The following TTLL11 variants were observed in gnomAD, a reference collection of about 807,000 sequenced individuals.
TTLL11 encodes tubulin polyglutamylase TTLL11.
A neutral mutation model predicts 51.7 loss-of-function variants in TTLL11; 42 were observed. That is an observed-to-expected ratio of 0.81 (90% CI 0.64 to 1.05). The LOEUF (loss-of-function observed/expected upper bound fraction) is 1.05, where lower values mean the gene tolerates loss of function less well. TTLL11 is among the 50% of genes least tolerant of loss of function. The pLI is 0.00. For missense variants in TTLL11, 799 were observed against 940.4 expected (o/e 0.85, Z 1.97); for synonymous variants, 381 against 383.5 (o/e 0.99, Z 0.08).
At chr9:121,985,553 G>A (rs1842921993) in intron 4 of TTLL11, among the ~76,000 whole-genome samples, 1 of 119,930 alleles carries the variant, frequency 8.3e-6, no homozygotes, top group African/African-American at 3.3e-5. Flanking sequence ...GTCTCGCTCT[G>A]TCACCCAGGC....
chr9:121,856,124 T>A (rs1588073042), intron 8 of TTLL11, among the ~76,000 whole-genome samples: 1 of 152,182 alleles, frequency 6.6e-6, no homozygotes, highest in Non-Finnish European at 1.5e-5. Context: ...CAGGCTGGAG[T>A]GCAGTGGCAC....
intron 8 of TTLL11, among the ~76,000 whole-genome samples, chr9:121,827,281 G>A (rs1429316160): frequency 6.6e-6 from 1 of 152,174 alleles, no homozygotes; most frequent in Non-Finnish European, 1.5e-5. Flanking sequence ...TTACAGGCCT[G>A]CCACACAGCC....
intron 6 of TTLL11, among the ~76,000 whole-genome samples, chr9:121,900,461 G>T (rs149746233): frequency 6.6e-6 from 1 of 152,130 alleles, no homozygotes; most frequent in Non-Finnish European, 1.5e-5. Context: ...ATATCTACCC[G>T]TGGATTTCTT....
intron 1 of TTLL11, among the ~76,000 whole-genome samples, chr9:122,084,174 T>C (rs1442463420): frequency 1.3e-5 from 2 of 152,100 alleles, no homozygotes; most frequent in Admixed American, 6.5e-5. Context: ...GAGGAACTTA[T>C]TTGAAAAGCA....
At chr9:122,034,368 A>G (rs1564368366) in intron 2 of TTLL11, among the ~76,000 whole-genome samples, 1 of 152,200 alleles carries the variant, frequency 6.6e-6, no homozygotes, top group South Asian at 2.1e-4. Flanking sequence ...CACACCAGCT[A>G]ATAGGTGTTT....
intron 7 of TTLL11, among the ~76,000 whole-genome samples, chr9:121,865,949 G>A (rs1838161759): frequency 6.6e-6 from 1 of 152,202 alleles, no homozygotes; most frequent in Non-Finnish European, 1.5e-5. Context: ...AGCACATTAT[G>A]AGAGATGGAC....
At position 121,995,369 on chromosome 9, in the gene TTLL11, C is replaced by G. The variant is rs532667570; in HGVS notation, c.694-5599G>C. On this transcript the variant is annotated intron_variant, in intron 3 of 8. Coordinates refer to ENST00000321582, the MANE Select transcript of TTLL11 (RefSeq NM_001139442.2). This position sits in a 1 kb window ranked among gnomAD's most constrained non-coding sequence, Gnocchi z 4.4. ...GAAGATAGTTTGGAAGGAATGAAAC[C>G]AGGTGTAGGAAGGACCCGAGGCTAT... Among the ~76,000 whole-genome samples, 3 of 152,258 alleles carry G rather than the reference C, an allele frequency of 2.0e-5. No homozygotes were observed. The East Asian group carries it at 5.8e-4, about 29-fold the overall frequency.
At chr9:121,855,560 G>A (rs1345586939) in intron 8 of TTLL11, among the ~76,000 whole-genome samples, 3 of 152,134 alleles carry the variant, frequency 2.0e-5, no homozygotes, top group Non-Finnish European at 4.4e-5. Flanking sequence ...AGGTCTGGCT[G>A]GCTGCGGGAG....
intron 1 of TTLL11, among the ~76,000 whole-genome samples, chr9:122,060,393 G>T (rs1236070195): frequency 6.6e-6 from 1 of 152,202 alleles, no homozygotes; most frequent in Non-Finnish European, 1.5e-5. Context: ...TAGGAGAAAA[G>T]GTTAGCTTCA....
intron 8 of TTLL11, among the ~76,000 whole-genome samples, chr9:121,830,467 T>A (rs1262984226): frequency 6.6e-6 from 1 of 152,240 alleles, no homozygotes; most frequent in Admixed American, 6.5e-5. Context: ...AATGCCCATC[T>A]GCAAAGCGGG....
At chr9:121,933,457 T>G (rs1420129660) in intron 6 of TTLL11, among the ~76,000 whole-genome samples, 1 of 152,000 alleles carries the variant, frequency 6.6e-6, no homozygotes, top group East Asian at 1.9e-4. Flanking sequence ...TTTGGGAACA[T>G]TAGGAGTGAT....
At chr9:121,937,977 C>T (rs1035074870) in intron 6 of TTLL11, among the ~76,000 whole-genome samples, 3 of 152,048 alleles carry the variant, frequency 2.0e-5, no homozygotes, top group Non-Finnish European at 2.9e-5. Flanking sequence ...AACAGTAAAA[C>T]GTAAGAAAGA....
At chr9:122,017,122 C>A (rs16911289) in intron 3 of TTLL11, among the ~76,000 whole-genome samples, 25,112 of 152,020 alleles carry the variant, frequency 0.17, 3,945 homozygotes, top group African/African-American at 0.41. Flanking sequence ...TCAGGTTTTC[C>A]GTTGTTTTAC....
At chr9:121,899,341 C>G (rs927444630) in intron 6 of TTLL11, among the ~76,000 whole-genome samples, 2 of 136,856 alleles carry the variant, frequency 1.5e-5, no homozygotes, top group African/African-American at 2.7e-5. Flanking sequence ...TTAATTCACT[C>G]TGTGTGTGTG....
intron 1 of TTLL11, among the ~76,000 whole-genome samples, chr9:122,086,526 A>T (rs1264098415): frequency 1.3e-5 from 2 of 152,146 alleles, no homozygotes; most frequent in Non-Finnish European, 2.9e-5. Context: ...TTCATTTTAT[A>T]CTCTACCTTC....
chr9:122,015,807 C>CAAAAAAAA (rs11297849), intron 3 of TTLL11, among the ~76,000 whole-genome samples: 47 of 94,436 alleles, frequency 5.0e-4, no homozygotes, highest in Middle Eastern at 6.4e-3. Flanking sequence ...TCAAAAGAGA[C>CAAAAAAAA]AAAAAAAAAA....
intron 6 of TTLL11, among the ~76,000 whole-genome samples, chr9:121,871,498 G>C (rs1040430125): frequency 6.6e-6 from 1 of 152,138 alleles, no homozygotes; most frequent in African/African-American, 2.4e-5. Context: ...TCCTCAGCTA[G>C]TTCTGCCTCC....
chr9:121,998,973 G>A (rs1243589871), intron 3 of TTLL11, among the ~76,000 whole-genome samples: 4 of 152,124 alleles, frequency 2.6e-5, no homozygotes, highest in Middle Eastern at 3.4e-3. Flanking sequence ...GTAACTAGAG[G>A]TTTCTCCCCA....
At chr9:121,902,218 A>G (rs1196171141) in intron 6 of TTLL11, among the ~76,000 whole-genome samples, 6 of 152,228 alleles carry the variant, frequency 3.9e-5, no homozygotes, top group Non-Finnish European at 8.8e-5. Flanking sequence ...CCTTATCTAT[A>G]TAAAATAGAT....
Sources: gnomAD v4.1 joint callset for allele counts (sites outside exome capture counted in the v4.1 genomes callset) on GRCh38, gnomAD v4.1.1 for gene constraint, Gnocchi (gnomAD v3.1) non-coding constraint, MANE v1.5 for transcripts, NCBI Gene and HGNC (gene_info 2026-07-23, HGNC 2026-07-21) for gene names.